The following CDC45 variants were observed in gnomAD, a reference collection of about 807,000 sequenced individuals.
The protein encoded by CDC45 is cell division control protein 45 homolog.
A neutral mutation model predicts 77.8 loss-of-function variants in CDC45; 54 were observed. The ratio of observed to expected loss-of-function variants is 0.69; its 90% CI spans 0.56 to 0.87. The LOEUF is 0.87. Ranked by LOEUF, CDC45 falls within the 40% of genes least tolerant of loss-of-function variation. CDC45 has a pLI of 0.00. For missense variants in CDC45, 649 were observed against 721.6 expected (o/e 0.90, Z 1.15); for synonymous variants, 260 against 272.1 (o/e 0.96, Z 0.44).
chr22:19,516,694 GT>G, intron 16 of CDC45, 49 bp downstream of exon 16: 1 of 1,542,480 alleles, frequency 6.5e-7, no homozygotes, highest in Non-Finnish European at 8.9e-7. Context: ...GGGTGTTGGG[GT>G]TATCAGCTTA....
chr22:19,509,712 A>G (rs1933407578), intron 13 of CDC45, among the ~76,000 whole-genome samples: 1 of 152,170 alleles, frequency 6.6e-6, no homozygotes, highest in Non-Finnish European at 1.5e-5. Flanking sequence ...TTTTATGTAT[A>G]AATTTCATTT....
intron 9 of CDC45, among the ~76,000 whole-genome samples, chr22:19,501,443 T>G (rs1288077357): frequency 6.6e-6 from 1 of 152,238 alleles, no homozygotes; most frequent in Non-Finnish European, 1.5e-5. Context: ...GTTTTCTCCA[T>G]GCAACTGGCA....
intron 6 of CDC45, among the ~76,000 whole-genome samples, chr22:19,495,655 T>TA (rs1247072774): frequency 6.6e-6 from 1 of 152,140 alleles, no homozygotes; most frequent in East Asian, 1.9e-4. Context: ...TTGTCTCTAT[T>TA]AAAAAATTTT....
intron 5 of CDC45, among the ~76,000 whole-genome samples, chr22:19,491,747 C>G (rs2090156668): frequency 6.6e-6 from 1 of 151,848 alleles, no homozygotes; most frequent in African/African-American, 2.4e-5. Context: ...GCCCTGTCAC[C>G]CAGGCTGGAA....
chr22:19,519,839 G>A (rs1456114043), intron 18 of CDC45, among the ~76,000 whole-genome samples: 1 of 152,198 alleles, frequency 6.6e-6, no homozygotes, highest in Non-Finnish European at 1.5e-5. Flanking sequence ...GGGCTACATG[G>A]GGCCCATTTT....
At chr22:19,499,046 C>T in intron 8 of CDC45, 55 bp from the exon 9 acceptor site, 1 of 1,564,858 alleles carries the variant, frequency 6.4e-7, no homozygotes, top group Non-Finnish European at 8.8e-7. Context: ...ATCCCCCAGG[C>T]CTCATTGAGC....
At chr22:19,481,326 A>G (rs573623595) in intron 3 of CDC45, among the ~76,000 whole-genome samples, 1 of 152,282 alleles carries the variant, frequency 6.6e-6, no homozygotes, top group African/African-American at 2.4e-5. Flanking sequence ...GGAATCTAGC[A>G]GTTTTTAATA....
Position 19,495,848 on chromosome 22 carries a change from A to G in CDC45, c.543-133A>G, listed in dbSNP as rs559254316. ...ACAAAAAAGAAAAAACCAAGAGTCA[A>G]TATGTGAAAACAAATAGTACCATGA... On this transcript the variant is annotated intron_variant, in intron 6 of 18. Coordinates refer to ENST00000263201, the MANE Select transcript of CDC45 (RefSeq NM_003504.5). 9.6e-5 allele frequency: 71 copies of G among 737,610 alleles called. No individual in the cohort carries two copies. In the African/African-American group the frequency reaches 1.2e-3, roughly 12 times the overall value. The allele number at this position is 737,610 out of a possible 1,614,324, so 45.7% of individuals were successfully genotyped here. A position where few individuals can be genotyped will look rare whatever the true frequency, so the allele number is the denominator to read the frequency against.
chr22:19,491,525 C>T (rs1368884101), intron 5 of CDC45, among the ~76,000 whole-genome samples: 1 of 151,964 alleles, frequency 6.6e-6, no homozygotes, highest in Non-Finnish European at 1.5e-5. Flanking sequence ...AAATACTGTG[C>T]CACTTACTCT....
At chr22:19,498,721 C>G (rs576292725) in intron 8 of CDC45, among the ~76,000 whole-genome samples, 1 of 152,338 alleles carries the variant, frequency 6.6e-6, no homozygotes, top group East Asian at 1.9e-4. Context: ...CAGCACAGGC[C>G]TCTGCCATGA....
At position 19,516,490 on chromosome 22, in the gene CDC45, A is replaced by G. The variant is rs371366333; in HGVS notation, c.1441-37A>G. The G allele has an allele frequency of 9.1e-6, 14 of 1,543,152 alleles. No homozygotes were observed. The African/African-American group carries it at 1.8e-4, about 20-fold the overall frequency. ...GGCTCTGAGTGTTGAGCTGGGGCCC[A>G]CCATACCCTGACGGAGGGTGCTCTC... On this transcript the variant is annotated intron_variant, in intron 15 of 18. Coordinates refer to ENST00000263201, the MANE Select transcript of CDC45 (RefSeq NM_003504.5).
chr22:19,511,624 C>T (rs537794891), intron 13 of CDC45, among the ~76,000 whole-genome samples: 2 of 152,204 alleles, frequency 1.3e-5, no homozygotes, highest in African/African-American at 4.8e-5. Context: ...ACCACCGTGC[C>T]CAGCCTAAAA....
rs1470853292 is a variant in CDC45, at chr22:19,480,342, A to G, written c.111+125A>G. On this transcript the variant is annotated intron_variant, in intron 2 of 18. Transcript: ENST00000263201. ...CTTAGGGTGGGAGAGGGAGCAGGGC[A>G]GGAGGTGAACAGCAAGTGAGAGGAG... 4 of 899,776 alleles carry G rather than the reference A, an allele frequency of 4.4e-6. 1 individual carries two copies. Among genetic ancestry groups the G allele is most frequent in the South Asian group, 4.0e-5 (3 of 74,488 alleles). The allele number at this position is 899,776 out of a possible 1,614,324, so 55.7% of individuals were successfully genotyped here.
rs140384424 is a variant in CDC45, at chr22:19,511,740, TAA to T, written c.1218-3008_1218-3007del. Among the ~76,000 whole-genome samples the T allele has an allele frequency of 1.1e-3, 169 of 152,348 alleles. 3 individuals carry two copies. In the East Asian group the frequency reaches 0.03, roughly 27 times the overall value. On this transcript the variant is annotated intron_variant, in intron 13 of 18. Transcript: ENST00000263201. ...CACTTTGGCAGTGTCCTGTGAAGTA[TAA>T]GATTTGTTAATTTTGATGACATTTA...
intron 9 of CDC45, among the ~76,000 whole-genome samples, chr22:19,501,303 A>G (rs889369942): frequency 6.6e-6 from 1 of 152,232 alleles, no homozygotes; most frequent in Non-Finnish European, 1.5e-5. Context: ...GACAAGCCCA[A>G]GTGGCCACTG....
chr22:19,494,724 G>C, intron 6 of CDC45: 1 of 805,542 alleles, frequency 1.2e-6, no homozygotes, highest in South Asian at 1.6e-5. Flanking sequence ...ATATTGGAAA[G>C]GTTATTCTAG....
At chr22:19,487,168 G>T (rs879849058) in intron 5 of CDC45, among the ~76,000 whole-genome samples, 1 of 151,806 alleles carries the variant, frequency 6.6e-6, no homozygotes, top group Non-Finnish European at 1.5e-5. Context: ...GGCAGATGCC[G>T]GTAATCCCAG....
chr22:19,508,776 G>A, intron 13 of CDC45, 85 bp downstream of exon 13: 1 of 1,325,980 alleles, frequency 7.5e-7, no homozygotes, highest in Non-Finnish European at 1.1e-6. Context: ...GGACCCCAGG[G>A]CTGTGGGAGT....
Position 19,497,421 on chromosome 22 carries a change from G to A in CDC45, c.627G>A (p.Leu209=). 6.2e-7 allele frequency: 1 copy of A among 1,614,050 alleles called. No homozygotes were observed. Among genetic ancestry groups the A allele is most frequent in the Non-Finnish European group, 8.5e-7 (1 of 1,179,932 alleles). The part of the protein sequence containing the change: ...AMVMFELAWM[L]SKDLNDMLWW... ...TGATGTTTGAGCTGGCTTGGATGCT[G>A]TCCAAGGACCTGAATGACATGCTGT... The change falls in exon 8 of 19, where the codon CTG becomes CTA. Residue 209 remains leucine (L), a synonymous_variant. Coordinates refer to ENST00000263201, the MANE Select transcript of CDC45 (RefSeq NM_003504.5).
Sources: allele counts gnomAD v4.1 joint callset (sites outside exome capture counted in the v4.1 genomes callset), GRCh38; gene constraint gnomAD v4.1.1; transcripts MANE v1.5; gene names NCBI Gene and HGNC (gene_info 2026-07-23, HGNC 2026-07-21).